Variants in MCPH1 observed in about 807,000 individuals in gnomAD.
The protein encoded by MCPH1 is microcephalin 1, also known as microcephalin.
A neutral mutation model predicts 84.5 loss-of-function variants in MCPH1; 104 were observed. The ratio of observed to expected loss-of-function variants is 1.23; its 90% CI spans 1.05 to 1.45. MCPH1 has a LOEUF of 1.45. Among genes scored for constraint, MCPH1 ranks in the 40% most tolerant of loss-of-function variants. The probability of loss-of-function intolerance (pLI) is 0.00; values close to 1 mark genes in which losing one functional copy is unlikely to be tolerated. For missense variants in MCPH1, 1,498 were observed against 1,005.7 expected (o/e 1.49, Z -6.62); for synonymous variants, 514 against 366.8 (o/e 1.40, Z -4.58).
chr8:6,409,195 C>G (rs1351584870), intron 1 of MCPH1, 84 bp from the exon 2 acceptor site: 14 of 1,223,072 alleles, frequency 1.1e-5, no homozygotes, highest in Non-Finnish European at 1.4e-5. Context: ...TCGGTTTACT[C>G]TTAAATGTAA....
At chr8:6,459,755 C>G (rs1806074580) in intron 9 of MCPH1, among the ~76,000 whole-genome samples, 1 of 152,212 alleles carries the variant, frequency 6.6e-6, no homozygotes, top group Non-Finnish European at 1.5e-5. Context: ...TCTGAAGTAG[C>G]ACTTGCAGGT....
At chr8:6,484,863 G>C (rs1226120498) in intron 11 of MCPH1, among the ~76,000 whole-genome samples, 5 of 152,204 alleles carry the variant, frequency 3.3e-5, no homozygotes, top group African/African-American at 1.2e-4. Context: ...CATTAAGGTG[G>C]GAGTAGCATC....
rs575730768 is a variant in MCPH1, at chr8:6,466,331, G to T, written c.1935+11079G>T. Among the ~76,000 whole-genome samples, 23 of 145,048 alleles carry T rather than the reference G, an allele frequency of 1.6e-4. No individual in the cohort carries two copies. The South Asian group carries it at 5.1e-3, about 32-fold the overall frequency. On this transcript the variant is annotated intron_variant, in intron 9 of 13. Transcript: ENST00000344683. ...TTTTTTTTTTTTGAGATGGAGTCTT[G>T]GAGTCTCGCTCTGTTGCTGAGGCTG... is the stretch of plus-strand genomic sequence containing the variant.
Position 6,480,700 on chromosome 8 carries a change from C to T in MCPH1, c.1974-14C>T, listed in dbSNP as rs1317656953. ...AAGTCATTCATTTTGTTAATTTTTC[C>T]CCCGATTTGACAGAAAGCAGAATGT... On this transcript the variant is annotated splice_polypyrimidine_tract_variant and intron_variant, in intron 10 of 13. Coordinates refer to ENST00000344683, the MANE Select transcript of MCPH1 (RefSeq NM_024596.5). The T allele has an allele frequency of 1.2e-6, 2 of 1,613,906 alleles. No homozygotes were observed. The highest frequency in any genetic ancestry group is 1.7e-5 in the Admixed American group (1 of 59,998).
intron 11 of MCPH1, among the ~76,000 whole-genome samples, chr8:6,482,513 A>T (rs1262667919): frequency 6.6e-6 from 1 of 152,222 alleles, no homozygotes; most frequent in Non-Finnish European, 1.5e-5. Flanking sequence ...CTGTGTCTTC[A>T]TCTGACTACT....
At chr8:6,600,271 C>A (rs1007816249) in intron 12 of MCPH1, among the ~76,000 whole-genome samples, 1 of 152,224 alleles carries the variant, frequency 6.6e-6, no homozygotes, top group Admixed American at 6.5e-5. Flanking sequence ...TAGTCAGGGA[C>A]CCCCAGGGGA....
intron 11 of MCPH1, among the ~76,000 whole-genome samples, chr8:6,495,548 A>T (rs1274914433): frequency 6.6e-6 from 1 of 152,242 alleles, no homozygotes; most frequent in African/African-American, 2.4e-5. Context: ...AGGATCTATA[A>T]AATCTGATGA....
At chr8:6,458,114 A>C (rs2440407) in intron 9 of MCPH1, among the ~76,000 whole-genome samples, 146,881 of 152,280 alleles carry the variant, frequency 0.96, 71,061 homozygotes, top group East Asian at 1. Flanking sequence ...TCATTTCTTT[A>C]TAAACATTTC....
chr8:6,479,994 A>G (rs1465533698), intron 10 of MCPH1, among the ~76,000 whole-genome samples: 1 of 152,190 alleles, frequency 6.6e-6, no homozygotes, highest in African/African-American at 2.4e-5. Context: ...TTCAAAATAA[A>G]ATAAGTGAGG....
chr8:6,477,304 G>C (rs1808599928), intron 9 of MCPH1: 1 of 396,618 alleles, frequency 2.5e-6, no homozygotes. Flanking sequence ...TGACACACTT[G>C]GAGGTCTGCT....
At chr8:6,423,605 T>G (rs1025898456) in intron 3 of MCPH1, among the ~76,000 whole-genome samples, 3 of 152,210 alleles carry the variant, frequency 2.0e-5, no homozygotes, top group Non-Finnish European at 4.4e-5. Flanking sequence ...GATTGAAGTT[T>G]TTCATTTCTT....
Position 6,419,142 on chromosome 8 carries a change from C to CACACAG in MCPH1, c.233+4264_233+4265insGACACA, listed in dbSNP as rs1341306363. Among the ~76,000 whole-genome samples the CACACAG allele has an allele frequency of 2.9e-3, 343 of 117,540 alleles. 2 individuals are homozygous for CACACAG. Among genetic ancestry groups the CACACAG allele is most frequent in the African/African-American group, 0.01 (307 of 29,592 alleles). 77.1% of individuals were successfully genotyped at this position (117,540 alleles called of 152,430 possible). On this transcript the variant is annotated intron_variant, in intron 3 of 13. Coordinates refer to ENST00000344683, the MANE Select transcript of MCPH1 (RefSeq NM_024596.5). Reference sequence around the variant, plus strand: ...TTATATACACATACACACACACACACACACACACAGACACACACACACACA... The same window carrying CACACAG: ...TTATATACACATACACACACACACACACACAGACACACACAGACACACACACACACA...
intron 9 of MCPH1, among the ~76,000 whole-genome samples, chr8:6,474,732 C>G (rs561556209): frequency 1.6e-4 from 25 of 152,230 alleles, no homozygotes; most frequent in African/African-American, 5.5e-4. Context: ...GGCACAGTGG[C>G]TCATGCCTAT....
At chr8:6,442,200 G>C (rs376944403) in intron 7 of MCPH1, 44 bp downstream of exon 7, 56 of 1,230,366 alleles carry the variant, frequency 4.6e-5, no homozygotes, top group African/African-American at 5.9e-5. Flanking sequence ...TAAGTTTTGA[G>C]AATAATATGA....
rs564787570 is a variant in MCPH1 at position 6,643,014 on chromosome 8, G to C, written c.2473G>C (p.Val825Leu). The change falls in exon 14 of 14, where the codon GTC becomes CTC. Residue 825 changes from valine to leucine, a missense_variant. Transcript: ENST00000344683. ...WVLDSITQHK[V>L]CAPENYLLSQ ...TCTAGATTCCATCACCCAGCACAAGGTCTGTGCCCCTGAAAACTACCTATT... is the reference window on the plus strand; with the variant it reads ...TCTAGATTCCATCACCCAGCACAAGCTCTGTGCCCCTGAAAACTACCTATT... 6.2e-7 allele frequency: 1 copy of C among 1,613,980 alleles called. No homozygotes were observed. The highest frequency in any genetic ancestry group is 1.3e-5 in the African/African-American group (1 of 74,912).
chr8:6,537,926 A>G (rs555646966), intron 12 of MCPH1, among the ~76,000 whole-genome samples: 48 of 152,240 alleles, frequency 3.2e-4, no homozygotes, highest in African/African-American at 1.1e-3. Context: ...CCTTTTTACT[A>G]ATTAGTTTTT....
At chr8:6,490,329 C>T (rs918316606) in intron 11 of MCPH1, among the ~76,000 whole-genome samples, 1 of 152,188 alleles carries the variant, frequency 6.6e-6, no homozygotes, top group Non-Finnish European at 1.5e-5. Context: ...TTTTATCTGT[C>T]ACTTCAAAAA....
chr8:6,458,219 T>C (rs1022677286), intron 9 of MCPH1, among the ~76,000 whole-genome samples: 1 of 152,146 alleles, frequency 6.6e-6, no homozygotes, highest in South Asian at 2.1e-4. Context: ...ACACCTGTAA[T>C]CCCAGCGCTT....
chr8:6,530,746 A>G (rs1042175834), intron 12 of MCPH1, among the ~76,000 whole-genome samples: 1 of 152,072 alleles, frequency 6.6e-6, no homozygotes, highest in African/African-American at 2.4e-5. Context: ...TTGTTATTCT[A>G]TTCTCTTATC....
Sources: gnomAD v4.1 joint callset for allele counts (sites outside exome capture counted in the v4.1 genomes callset) on GRCh38, gnomAD v4.1.1 for gene constraint, MANE v1.5 for transcripts, NCBI Gene and HGNC (gene_info 2026-07-23, HGNC 2026-07-21) for gene names.